The following NPAS1 variants were observed in gnomAD, a reference collection of about 807,000 sequenced individuals.
NPAS1 encodes the protein neuronal PAS domain-containing protein 1.
NPAS1 carries 29 observed loss-of-function variants against 49.2 expected under a neutral mutation model. That is an observed-to-expected ratio of 0.59 (90% CI 0.44 to 0.80). The LOEUF is 0.80. Ranked by LOEUF, NPAS1 falls within the 30% of genes least tolerant of loss-of-function variation. The pLI is 0.00. For missense variants in NPAS1, 825 were observed against 835.5 expected (o/e 0.99, Z 0.15); for synonymous variants, 408 against 380.4 (o/e 1.07, Z -0.84).
At chr19:47,024,505 C>T (rs1244510324) in intron 3 of NPAS1, among the ~76,000 whole-genome samples, 1 of 151,796 alleles carries the variant, frequency 6.6e-6, no homozygotes, top group African/African-American at 2.4e-5. Flanking sequence ...GGAAAAACAA[C>T]AACAACAACA....
At chr19:47,032,443 TG>T in intron 4 of NPAS1, 92 bp downstream of exon 4, 4 of 1,390,310 alleles carry the variant, frequency 2.9e-6, no homozygotes, top group South Asian at 2.4e-5. Context: ...CCATCTATTG[TG>T]GGGGGTACCT....
At chr19:47,024,635 G>T (rs1367460946) in intron 3 of NPAS1, among the ~76,000 whole-genome samples, 1 of 152,088 alleles carries the variant, frequency 6.6e-6, no homozygotes, top group South Asian at 2.1e-4. Context: ...CCCAAAGGCC[G>T]CCTCTCAACC....
At chr19:47,033,243 T>C (rs953314540) in intron 5 of NPAS1, among the ~76,000 whole-genome samples, 27 of 141,350 alleles carry the variant, frequency 1.9e-4, no homozygotes, top group African/African-American at 7.0e-4. Context: ...TGATGAGGGC[T>C]ATTTTTTTTT....
At chr19:47,045,157 A>G (rs2057062466) in intron 11 of NPAS1, 34 bp from the exon 12 acceptor site, 1 of 1,592,784 alleles carries the variant, frequency 6.3e-7, no homozygotes, top group African/African-American at 1.3e-5. Context: ...AGGGCTGGGG[A>G]CACACACAGG....
chr19:47,024,929 C>A (rs2056862255), intron 3 of NPAS1, among the ~76,000 whole-genome samples: 1 of 151,580 alleles, frequency 6.6e-6, no homozygotes, highest in African/African-American at 2.4e-5. Context: ...CCTGACTCAG[C>A]CTCCCGAGTA....
At chr19:47,020,117 A>C (rs1429050303) in intron 1 of NPAS1, 120 bp downstream of exon 1, 3 of 132,118 alleles carry the variant, frequency 2.3e-5, no homozygotes, top group Admixed American at 9.2e-5. Context: ...GCCTGGGGGA[A>C]GGGGCGCACG....
chr19:47,023,739 GGCCAGGAGT>G (rs1457105142), intron 3 of NPAS1, among the ~76,000 whole-genome samples: 2 of 151,964 alleles, frequency 1.3e-5, no homozygotes, highest in Non-Finnish European at 2.9e-5. Context: ...GAAAGCTTTG[GGCCAGGAGT>G]TCGAGACCAG....
Position 47,021,098 on chromosome 19 carries a change from G to C in NPAS1, c.51G>C (p.Val17=), listed in dbSNP as rs2056836859. 1 of 1,603,816 alleles carries C rather than the reference G, an allele frequency of 6.2e-7. No individual in the cohort carries two copies. The highest frequency in any genetic ancestry group is 8.5e-7 in the Non-Finnish European group (1 of 1,175,986). ...GSGGGSEVKC[V]GGRGASVPWD... ...GCGGCGGAAGCGAGGTCAAATGCGT[G>C]GGAGGCCGCGGCGCCAGCGTCCCCT... Residue 17 remains valine (V), a synonymous_variant, in exon 2 of 12, where the codon GTG becomes GTC. Transcript: ENST00000602212. This position sits in a 1 kb window ranked among gnomAD's most constrained non-coding sequence, Gnocchi z 5.7.
chr19:47,020,791 G>A, intron 1 of NPAS1: 1 of 306,974 alleles, frequency 3.3e-6, no homozygotes, highest in Non-Finnish European at 5.9e-6. Flanking sequence ...GGGCGGCGCG[G>A]GGGAGGCGGC....
intron 6 of NPAS1, among the ~76,000 whole-genome samples, chr19:47,037,781 T>C (rs1004843716): frequency 2.6e-5 from 4 of 152,134 alleles, no homozygotes; most frequent in African/African-American, 9.7e-5. Flanking sequence ...AGTGGGACTG[T>C]GTTTGTACCT....
At position 47,027,481 on chromosome 19, in the gene NPAS1, GTCTCCC is replaced by G. The variant is rs1568501465; in HGVS notation, c.359-4796_359-4791del. ...CTGGTCTCCCGTCTCTCTGCCCCTG[GTCTCCC>G]GTCTCTCTGCCCCTGGTCTCCCATC... On this transcript the variant is annotated intron_variant, in intron 3 of 11. Coordinates refer to ENST00000602212, the MANE Select transcript of NPAS1 (RefSeq NM_002517.4). 5.0e-4 allele frequency among the ~76,000 whole-genome samples: 51 copies of G among 102,356 alleles called. 6 individuals carry two copies. The highest frequency in any genetic ancestry group is 2.0e-3 in the African/African-American group (50 of 24,856). The allele number at this position is 102,356 out of a possible 152,430, so 67.1% of individuals were successfully genotyped here.
chr19:47,028,942 T>C (rs2056889872), intron 3 of NPAS1, among the ~76,000 whole-genome samples: 1 of 152,020 alleles, frequency 6.6e-6, no homozygotes, highest in African/African-American at 2.4e-5. Flanking sequence ...CTCCTGACTG[T>C]AGGGAGGATG....
chr19:47,045,739 T>A lies in NPAS1; in HGVS notation c.*88T>A. ...CGGCTCTGCCCGTAGCCCTGAGAAT[T>A]AAACGCCGGCTCTCCCTGCAGTGGT... is the stretch of plus-strand genomic sequence containing the variant. On this transcript the variant is annotated 3_prime_UTR_variant, in exon 12 of 12. Transcript: ENST00000602212. The A allele has an allele frequency of 8.5e-7, 1 of 1,176,122 alleles. No homozygotes were observed. The highest frequency in any genetic ancestry group is 1.1e-6 in the Non-Finnish European group (1 of 883,114). The allele number at this position is 1,176,122 out of a possible 1,614,324, so 72.9% of individuals were successfully genotyped here.
chr19:47,026,918 ACTCTAGC>A (rs2056874512), intron 3 of NPAS1, among the ~76,000 whole-genome samples: 1 of 151,064 alleles, frequency 6.6e-6, no homozygotes, highest in Admixed American at 6.6e-5. Flanking sequence ...CTGCCACTGC[ACTCTAGC>A]CTGGGTGTCA....
chr19:47,027,829 G>A (rs1454161719), intron 3 of NPAS1, among the ~76,000 whole-genome samples: 1 of 152,204 alleles, frequency 6.6e-6, no homozygotes, highest in Non-Finnish European at 1.5e-5. Flanking sequence ...GATGAGTGAT[G>A]TTTGGGTTCT....
Position 47,025,465 on chromosome 19 carries a change from A to T in NPAS1, c.358+3618A>T, listed in dbSNP as rs897715083. On this transcript the variant is annotated intron_variant, in intron 3 of 11. Coordinates refer to ENST00000602212, the MANE Select transcript of NPAS1 (RefSeq NM_002517.4). ...AGCTAATTTTGTATTTTTAGTAGAG[A>T]TGGGGTTTCTCCATGTTGGTCAGGC... Among the ~76,000 whole-genome samples, 65 of 148,932 alleles carry T rather than the reference A, an allele frequency of 4.4e-4. 1 individual carries two copies. Among genetic ancestry groups the T allele is most frequent in the African/African-American group, 1.5e-3 (61 of 41,294 alleles).
At position 47,036,050 on chromosome 19, in the gene NPAS1, G is replaced by A. The variant is rs1218808263; in HGVS notation, c.609G>A (p.Pro203=). 3.7e-6 allele frequency: 6 copies of A among 1,603,586 alleles called. No homozygotes were observed. The highest frequency in any genetic ancestry group is 3.4e-5 in the Admixed American group (2 of 58,592). The change falls in exon 6 of 12, where the codon CCG becomes CCA. Residue 203 remains proline (P), a synonymous_variant. Transcript: ENST00000602212. ...EVLEQLGLRT[P]TPGPPTPPSV... is the part of the protein sequence containing the mutation. ...TGGAGCAACTGGGGCTGCGGACGCC[G>A]ACGCCCGGCCCCCCAACCCCGCCCT...
At chr19:47,023,546 G>A (rs1433062657) in intron 3 of NPAS1, among the ~76,000 whole-genome samples, 1 of 152,178 alleles carries the variant, frequency 6.6e-6, no homozygotes, top group Non-Finnish European at 1.5e-5. Context: ...AACAAGAGGC[G>A]AAGCACCTGC....
rs773420715 is a variant in NPAS1, at chr19:47,039,081, G to A, written c.734G>A (p.Arg245His). The part of the protein sequence containing the change: ...KVPPSSLVQE[R>H]SFFVRMKSTL... ...CCCCCCTCCTCCCTGGTCCAGGAGC[G>A]CTCCTTCTTTGTCCGCATGAAATCC... is the stretch of plus-strand genomic sequence containing the variant. Residue 245 changes from arginine to histidine, a missense_variant, in exon 7 of 12, where the codon CGC (arginine) becomes CAC (histidine). Coordinates refer to ENST00000602212, the MANE Select transcript of NPAS1 (RefSeq NM_002517.4). 17 of 1,613,860 alleles carry A rather than the reference G, an allele frequency of 1.1e-5. No homozygotes were observed. The highest frequency in any genetic ancestry group is 1.7e-5 in the Admixed American group (1 of 59,970).
Sources: allele counts gnomAD v4.1 joint callset (sites outside exome capture counted in the v4.1 genomes callset), GRCh38; gene constraint gnomAD v4.1.1; non-coding constraint Gnocchi (gnomAD v3.1); transcripts MANE v1.5; gene names NCBI Gene and HGNC (gene_info 2026-07-23, HGNC 2026-07-21).